The following DOK6 variants were observed in gnomAD, a reference collection of about 807,000 sequenced individuals.
The protein encoded by DOK6 is downstream of tyrosine kinase 6.
A neutral mutation model predicts 44.0 loss-of-function variants in DOK6; 22 were observed. The ratio of observed to expected loss-of-function variants is 0.50; its 90% CI spans 0.36 to 0.71. The LOEUF is 0.71. Ranked by LOEUF, DOK6 falls within the 30% of genes least tolerant of loss-of-function variation. The pLI is 0.00. For missense variants in DOK6, 340 were observed against 416.4 expected (o/e 0.82, Z 1.60); for synonymous variants, 166 against 145.5 (o/e 1.14, Z -1.01).
In DOK6 at chr18:69,552,734, C is replaced by A. The variant is rs1335118771; in HGVS notation, c.67-11753C>A. ...GTGAACTCCATGAAGACAAGGATGG[C>A]AGGTGTTCTTGTTTGTTTCATTCAC... On this transcript the variant is annotated intron_variant, in intron 1 of 7. Coordinates refer to ENST00000382713, the MANE Select transcript of DOK6 (RefSeq NM_152721.6). Among the ~76,000 whole-genome samples, 10 of 152,182 alleles carry A rather than the reference C, an allele frequency of 6.6e-5. No individual in the cohort carries two copies. The East Asian group carries it at 1.9e-3, about 29-fold the overall frequency.
chr18:69,709,524 T>G (rs1273937009), intron 5 of DOK6, among the ~76,000 whole-genome samples: 1 of 152,150 alleles, frequency 6.6e-6, no homozygotes, highest in African/African-American at 2.4e-5. Flanking sequence ...ATAGTTGCCC[T>G]TGTATTTACA....
At chr18:69,763,199 C>T (rs1410180651) in intron 7 of DOK6, among the ~76,000 whole-genome samples, 1 of 152,328 alleles carries the variant, frequency 6.6e-6, no homozygotes, top group Non-Finnish European at 1.5e-5. Flanking sequence ...TTGGCAGCCA[C>T]TGTTTAAAAA....
At chr18:69,492,456 C>T (rs577198961) in intron 1 of DOK6, among the ~76,000 whole-genome samples, 244 of 151,678 alleles carry the variant, frequency 1.6e-3, no homozygotes, top group African/African-American at 5.7e-3. Flanking sequence ...AGGTTCAGGG[C>T]ATAGATGTGC....
intron 3 of DOK6, among the ~76,000 whole-genome samples, chr18:69,638,928 G>A (rs992814609): frequency 1.3e-5 from 2 of 152,154 alleles, no homozygotes; most frequent in African/African-American, 4.8e-5. Context: ...ACATGATGTT[G>A]TACAGTTGAA....
intron 1 of DOK6, among the ~76,000 whole-genome samples, chr18:69,419,758 C>A (rs1404957667): frequency 2.0e-5 from 3 of 152,100 alleles, no homozygotes; most frequent in African/African-American, 7.2e-5. Flanking sequence ...CAGGAGGATA[C>A]AATGATATGT....
chr18:69,462,844 C>T (rs545176381), intron 1 of DOK6, among the ~76,000 whole-genome samples: 1 of 152,134 alleles, frequency 6.6e-6, no homozygotes, highest in African/African-American at 2.4e-5. Flanking sequence ...GTAACTCAAG[C>T]CATTAAGAAA....
intron 5 of DOK6, 149 bp from the exon 6 acceptor site, chr18:69,738,816 G>T (rs1304891610): frequency 2.4e-5 from 20 of 840,430 alleles, no homozygotes; most frequent in Middle Eastern, 2.4e-4. Flanking sequence ...GCACTTTTTG[G>T]TTGGTTTGGT....
At chr18:69,723,245 C>T (rs1978291909) in intron 5 of DOK6, among the ~76,000 whole-genome samples, 1 of 152,156 alleles carries the variant, frequency 6.6e-6, no homozygotes, top group South Asian at 2.1e-4. Context: ...TTCAAGAAGG[C>T]AACATTACTG....
intron 6 of DOK6, among the ~76,000 whole-genome samples, chr18:69,752,055 A>G (rs748797952): frequency 6.6e-6 from 1 of 152,150 alleles, no homozygotes; most frequent in Non-Finnish European, 1.5e-5. Flanking sequence ...AAATAGATCA[A>G]GAAGATAACC....
intron 6 of DOK6, among the ~76,000 whole-genome samples, chr18:69,746,786 A>G (rs1978999327): frequency 1.3e-5 from 2 of 152,188 alleles, no homozygotes; most frequent in Admixed American, 1.3e-4. Flanking sequence ...AAATTAAGCC[A>G]AGTCTGTGAT....
At chr18:69,496,700 T>A (rs1373095317) in intron 1 of DOK6, among the ~76,000 whole-genome samples, 1 of 152,194 alleles carries the variant, frequency 6.6e-6, no homozygotes, top group Non-Finnish European at 1.5e-5. Flanking sequence ...AGGGTGATTT[T>A]TTTCATATTT....
intron 7 of DOK6, among the ~76,000 whole-genome samples, chr18:69,820,997 A>G (rs1981551965): frequency 6.6e-6 from 1 of 152,152 alleles, no homozygotes; most frequent in African/African-American, 2.4e-5. Flanking sequence ...ACTCCCCATG[A>G]CAAAAGTTTA....
At chr18:69,475,580 C>T (rs76527785) in intron 1 of DOK6, among the ~76,000 whole-genome samples, 3 of 152,076 alleles carry the variant, frequency 2.0e-5, no homozygotes, top group African/African-American at 4.8e-5. Flanking sequence ...TAGATGGCCC[C>T]GCCTCTACCT....
At chr18:69,510,597 G>T (rs1480870260) in intron 1 of DOK6, among the ~76,000 whole-genome samples, 1 of 152,122 alleles carries the variant, frequency 6.6e-6, no homozygotes, top group Non-Finnish European at 1.5e-5. Context: ...AATACATTGT[G>T]TCATGTCCAA....
At chr18:69,496,385 T>C (rs1980890423) in intron 1 of DOK6, among the ~76,000 whole-genome samples, 1 of 152,242 alleles carries the variant, frequency 6.6e-6, no homozygotes, top group African/African-American at 2.4e-5. Flanking sequence ...TTGTCCCGGC[T>C]ACCACCAGGT....
chr18:69,556,112 T>A (rs2086614324), intron 1 of DOK6, among the ~76,000 whole-genome samples: 1 of 152,170 alleles, frequency 6.6e-6, no homozygotes, highest in Non-Finnish European at 1.5e-5. Flanking sequence ...AAGATTTAAG[T>A]TCTATTGTGT....
chr18:69,834,331 C>T (rs1981982552), intron 7 of DOK6, among the ~76,000 whole-genome samples: 1 of 151,814 alleles, frequency 6.6e-6, no homozygotes, highest in Non-Finnish European at 1.5e-5. Flanking sequence ...AAATGTGGAT[C>T]TCCTGGAGAT....
intron 1 of DOK6, among the ~76,000 whole-genome samples, chr18:69,443,982 C>G (rs573125468): frequency 6.6e-6 from 1 of 151,974 alleles, no homozygotes; most frequent in East Asian, 1.9e-4. Flanking sequence ...TATATACACA[C>G]ACAATACACA....
chr18:69,456,508 C>T (rs965893504), intron 1 of DOK6, among the ~76,000 whole-genome samples: 10 of 152,126 alleles, frequency 6.6e-5, no homozygotes, highest in African/African-American at 2.2e-4. Flanking sequence ...ATGCAGTATT[C>T]CATGGTGTAT....
Sources: gnomAD v4.1 joint callset for allele counts (sites outside exome capture counted in the v4.1 genomes callset) on GRCh38, gnomAD v4.1.1 for gene constraint, MANE v1.5 for transcripts, NCBI Gene and HGNC (gene_info 2026-07-23, HGNC 2026-07-21) for gene names.